The following GPC5 variants were observed in gnomAD, a reference collection of about 807,000 sequenced individuals.
GPC5 encodes the protein glypican 5.
A neutral mutation model predicts 53.9 loss-of-function variants in GPC5; 47 were observed. That is an observed-to-expected ratio of 0.87 (90% CI 0.69 to 1.11). The LOEUF (loss-of-function observed/expected upper bound fraction) is 1.11. Ranked by LOEUF, GPC5 falls within the 50% of genes most tolerant of loss-of-function variation. The pLI is 0.00. For synonymous variants in GPC5, 286 were observed against 263.3 expected (o/e 1.09, Z -0.84); for missense variants, 748 against 713.1 (o/e 1.05, Z -0.56).
chr13:91,639,591 C>T (rs1438148937), intron 2 of GPC5, among the ~76,000 whole-genome samples: 5 of 152,108 alleles, frequency 3.3e-5, no homozygotes, highest in East Asian at 3.8e-4. Context: ...GCATCCTTCA[C>T]GGATTTTTTT....
chr13:91,869,772 A>T (rs912846342), intron 5 of GPC5, among the ~76,000 whole-genome samples: 1 of 152,176 alleles, frequency 6.6e-6, no homozygotes, highest in Non-Finnish European at 1.5e-5. Context: ...GGGAGGCCTC[A>T]GGAAACTTAT....
intron 7 of GPC5, among the ~76,000 whole-genome samples, chr13:92,477,086 A>G (rs1879179808): frequency 6.6e-6 from 1 of 151,778 alleles, no homozygotes; most frequent in African/African-American, 2.4e-5. Context: ...AATAAAAAGA[A>G]AATAAACAGT....
At chr13:92,529,691 C>T (rs1030134472) in intron 7 of GPC5, among the ~76,000 whole-genome samples, 1 of 152,076 alleles carries the variant, frequency 6.6e-6, no homozygotes, top group African/African-American at 2.4e-5. Flanking sequence ...TATAAGAAAA[C>T]ACTTTTAACC....
At chr13:92,031,376 T>C (rs2040840002) in intron 6 of GPC5, among the ~76,000 whole-genome samples, 1 of 151,988 alleles carries the variant, frequency 6.6e-6, no homozygotes, top group Non-Finnish European at 1.5e-5. Context: ...TGTAATGACT[T>C]ATTTTCCTCT....
At chr13:92,015,933 ATCTAC>A (rs1454265522) in intron 6 of GPC5, among the ~76,000 whole-genome samples, 12 of 152,234 alleles carry the variant, frequency 7.9e-5, no homozygotes, top group Admixed American at 3.3e-4. Flanking sequence ...CCATACAACA[ATCTAC>A]TCTACTGCTT....
chr13:92,735,783 C>A (rs552152806), intron 7 of GPC5, among the ~76,000 whole-genome samples: 1 of 151,988 alleles, frequency 6.6e-6, no homozygotes, highest in South Asian at 2.1e-4. Context: ...ACAATGCCAT[C>A]ATCATGGACT....
intron 2 of GPC5, among the ~76,000 whole-genome samples, chr13:91,491,436 C>T (rs1883937815): frequency 1.3e-5 from 2 of 152,086 alleles, no homozygotes; most frequent in South Asian, 4.2e-4. Context: ...AACCACATGT[C>T]CCTTCTTTAT....
At chr13:92,549,196 T>C (rs1253414669) in intron 7 of GPC5, among the ~76,000 whole-genome samples, 2 of 152,108 alleles carry the variant, frequency 1.3e-5, no homozygotes, top group African/African-American at 4.8e-5. Context: ...GATAAGAGTA[T>C]TATACTTGTT....
intron 7 of GPC5, among the ~76,000 whole-genome samples, chr13:92,333,826 G>C (rs528209932): frequency 6.6e-6 from 1 of 152,080 alleles, no homozygotes; most frequent in East Asian, 1.9e-4. Flanking sequence ...GGAATTTTCA[G>C]ACTGGGAATT....
At chr13:92,553,195 A>C (rs1478982463) in intron 7 of GPC5, among the ~76,000 whole-genome samples, 1 of 151,938 alleles carries the variant, frequency 6.6e-6, no homozygotes. Flanking sequence ...CTTTTCTTCC[A>C]ACACAGAAAC....
intron 2 of GPC5, among the ~76,000 whole-genome samples, chr13:91,479,608 C>A (rs1883196220): frequency 6.6e-6 from 1 of 152,000 alleles, no homozygotes; most frequent in South Asian, 2.1e-4. Context: ...ATATATAATG[C>A]TTGAGTCATG....
intron 4 of GPC5, among the ~76,000 whole-genome samples, chr13:91,752,854 A>G (rs1306818185): frequency 6.6e-6 from 1 of 152,196 alleles, no homozygotes. Context: ...GCTGCTTTGA[A>G]ATGTGCAGTC....
chr13:92,415,087 G>T (rs1306066414), intron 7 of GPC5, among the ~76,000 whole-genome samples: 1 of 152,208 alleles, frequency 6.6e-6, no homozygotes, highest in East Asian at 1.9e-4. Context: ...GGGAATGAAA[G>T]AAGCTGGAAT....
At chr13:92,260,818 A>G (rs1358693425) in intron 7 of GPC5, among the ~76,000 whole-genome samples, 1 of 152,230 alleles carries the variant, frequency 6.6e-6, no homozygotes, top group East Asian at 1.9e-4. Flanking sequence ...TTTAATTAAC[A>G]TGAGAATTGA....
intron 5 of GPC5, among the ~76,000 whole-genome samples, chr13:91,782,132 T>C (rs2037807553): frequency 6.6e-6 from 1 of 152,352 alleles, no homozygotes; most frequent in South Asian, 2.1e-4. Context: ...TTTGAAATGC[T>C]GAAGCTCTTT....
At chr13:92,162,533 A>T (rs916754525) in intron 7 of GPC5, among the ~76,000 whole-genome samples, 5 of 152,206 alleles carry the variant, frequency 3.3e-5, no homozygotes, top group African/African-American at 1.2e-4. Flanking sequence ...ACACCTGAAG[A>T]AGCAGTTATT....
chr13:91,806,556 T>G (rs1290948319), intron 5 of GPC5, among the ~76,000 whole-genome samples: 2 of 152,160 alleles, frequency 1.3e-5, no homozygotes, highest in African/African-American at 4.8e-5. Flanking sequence ...TTGAAAGACT[T>G]TTCACATGCA....
At chr13:92,556,903 T>C (rs1329569651) in intron 7 of GPC5, among the ~76,000 whole-genome samples, 1 of 151,914 alleles carries the variant, frequency 6.6e-6, no homozygotes, top group African/African-American at 2.4e-5. Flanking sequence ...TATGTAAGTG[T>C]TCTTTAAAAA....
chr13:91,959,234 A>T (rs2040104335), intron 6 of GPC5, among the ~76,000 whole-genome samples: 1 of 152,036 alleles, frequency 6.6e-6, no homozygotes, highest in Non-Finnish European at 1.5e-5. Context: ...TTCAGCTGAT[A>T]CCACAGAAAT....
Sources: gnomAD v4.1 joint callset for allele counts (sites outside exome capture counted in the v4.1 genomes callset) on GRCh38, gnomAD v4.1.1 for gene constraint, MANE v1.5 for transcripts, NCBI Gene and HGNC (gene_info 2026-07-23, HGNC 2026-07-21) for gene names.